FRYL: variants seen among roughly 807,000 people sequenced by gnomAD.
The protein encoded by FRYL is FRY like transcription coactivator, also known as protein furry homolog-like.
FRYL carries 150 observed loss-of-function variants against 351.2 expected under a neutral mutation model. The ratio of observed to expected loss-of-function variants is 0.43; its 90% CI spans 0.37 to 0.49. The LOEUF (loss-of-function observed/expected upper bound fraction) is 0.49. FRYL is among the 20% of genes least tolerant of loss of function. The pLI is 0.00. For missense variants in FRYL, 3,036 were observed against 3,619.3 expected, an observed-to-expected ratio of 0.84 and a Z score of 4.13; for synonymous variants, 1,153 against 1,257.1, an observed-to-expected ratio of 0.92 and a Z score of 1.75.
chr4:48,747,194 G>T (rs1279369146), intron 1 of FRYL, among the ~76,000 whole-genome samples: 1 of 149,842 alleles, frequency 6.7e-6, no homozygotes, highest in Non-Finnish European at 1.5e-5. Context: ...AGGAAGAGAA[G>T]TAACAACATT....
At chr4:48,768,127 T>A (rs945752912) in intron 1 of FRYL, among the ~76,000 whole-genome samples, 1 of 152,232 alleles carries the variant, frequency 6.6e-6, no homozygotes, top group African/African-American at 2.4e-5. Flanking sequence ...AAGGTGGCAG[T>A]TGCACACCCT....
chr4:48,674,640 G>A (rs191137134), intron 3 of FRYL, among the ~76,000 whole-genome samples: 64 of 144,204 alleles, frequency 4.4e-4, no homozygotes, highest in African/African-American at 1.5e-3. Context: ...GGGAGGCTGA[G>A]GCAGGAGAAT....
At chr4:48,622,760 G>A (rs1471617702) in intron 5 of FRYL, among the ~76,000 whole-genome samples, 1 of 152,088 alleles carries the variant, frequency 6.6e-6, no homozygotes, top group Non-Finnish European at 1.5e-5. Flanking sequence ...GTTAGACACC[G>A]GCATTCTACA....
chr4:48,556,919 C>T (rs1482042456), intron 35 of FRYL, 59 bp downstream of exon 35: 5 of 1,404,208 alleles, frequency 3.6e-6, no homozygotes, highest in Non-Finnish European at 4.8e-6. Flanking sequence ...ACTCTGACAT[C>T]ACAAGATACT....
chr4:48,723,760 T>C (rs1769753319), intron 1 of FRYL, among the ~76,000 whole-genome samples: 1 of 151,904 alleles, frequency 6.6e-6, no homozygotes. Flanking sequence ...TCTCCTCATT[T>C]CTCATTTCTC....
intron 3 of FRYL, among the ~76,000 whole-genome samples, chr4:48,641,062 T>C (rs1357279786): frequency 6.6e-6 from 1 of 152,154 alleles, no homozygotes. Context: ...TGGGGAATAA[T>C]AGCAAATAGC....
chr4:48,666,263 A>T (rs1468922822), intron 3 of FRYL, among the ~76,000 whole-genome samples: 1 of 152,196 alleles, frequency 6.6e-6, no homozygotes, highest in Non-Finnish European at 1.5e-5. Flanking sequence ...GCTACTCGGG[A>T]GGCCGAGGCA....
At chr4:48,680,380 T>C (rs1177960953) in intron 3 of FRYL, among the ~76,000 whole-genome samples, 2 of 152,024 alleles carry the variant, frequency 1.3e-5, no homozygotes, top group African/African-American at 2.4e-5. Flanking sequence ...TGCAAGCTGA[T>C]GTTTATCCTA....
At chr4:48,618,030 T>C (rs1207848185) in intron 7 of FRYL, 2 of 152,228 alleles carry the variant, frequency 1.3e-5, no homozygotes, top group South Asian at 2.1e-4. Flanking sequence ...TCAGAGTCCA[T>C]TGCTGGGCTG....
intron 1 of FRYL, among the ~76,000 whole-genome samples, chr4:48,717,040 C>CAT (rs1768926429): frequency 1.4e-5 from 2 of 145,474 alleles, no homozygotes; most frequent in Admixed American, 1.5e-4. Flanking sequence ...CCAAACACCA[C>CAT]ATATTCTCAC....
At chr4:48,653,997 TG>T (rs1758267365) in intron 3 of FRYL, 1 of 1,022,718 alleles carries the variant, frequency 9.8e-7, no homozygotes, top group African/African-American at 1.7e-5. Flanking sequence ...TGAATGCAGA[TG>T]AACTATCCAG....
At chr4:48,680,540 C>G (rs1254196435) in intron 3 of FRYL, among the ~76,000 whole-genome samples, 2 of 151,844 alleles carry the variant, frequency 1.3e-5, no homozygotes, top group African/African-American at 4.8e-5. Flanking sequence ...TATTCATTAT[C>G]TTTTAAAATA....
At chr4:48,523,353 T>C in intron 53 of FRYL, 2 of 406,528 alleles carry the variant, frequency 4.9e-6, no homozygotes, top group Non-Finnish European at 8.9e-6. Flanking sequence ...CTATCTTGTA[T>C]TACTGGGGAC....
At chr4:48,516,855 G>A (rs1320330061) in intron 55 of FRYL, among the ~76,000 whole-genome samples, 1 of 152,142 alleles carries the variant, frequency 6.6e-6, no homozygotes, top group Non-Finnish European at 1.5e-5. Flanking sequence ...TCAATGATGG[G>A]AAAGCTCTCA....
intron 7 of FRYL, among the ~76,000 whole-genome samples, chr4:48,615,371 C>A (rs1381262631): frequency 6.6e-6 from 1 of 152,172 alleles, no homozygotes; most frequent in Non-Finnish European, 1.5e-5. Flanking sequence ...AAGATATCAC[C>A]ACCTTCTGAT....
chr4:48,752,087 G>A (rs1773305956), intron 1 of FRYL, among the ~76,000 whole-genome samples: 1 of 152,108 alleles, frequency 6.6e-6, no homozygotes, highest in South Asian at 2.1e-4. Flanking sequence ...ACGTTATTGG[G>A]CAAATAGTGA....
At chr4:48,584,589 A>G (rs1217729442) in intron 19 of FRYL, among the ~76,000 whole-genome samples, 2 of 152,202 alleles carry the variant, frequency 1.3e-5, no homozygotes, top group Non-Finnish European at 2.9e-5. Context: ...GTCCTCAATG[A>G]TGTTGACTTT....
At chr4:48,564,549 TGGAGGGCAA>T (rs1441988730) in intron 30 of FRYL, among the ~76,000 whole-genome samples, 1 of 152,164 alleles carries the variant, frequency 6.6e-6, no homozygotes, top group Admixed American at 6.5e-5. Context: ...AGGCAGAGTG[TGGAGGGCAA>T]GGAGGAATGA....
At chr4:48,661,939 A>G (rs1278490910) in intron 3 of FRYL, among the ~76,000 whole-genome samples, 1 of 152,222 alleles carries the variant, frequency 6.6e-6, no homozygotes, top group Non-Finnish European at 1.5e-5. Context: ...TAAATTCACT[A>G]TGTAGAACTA....
Sources: gnomAD v4.1 joint callset for allele counts (sites outside exome capture counted in the v4.1 genomes callset) on GRCh38, gnomAD v4.1.1 for gene constraint, MANE v1.5 for transcripts, NCBI Gene and HGNC (gene_info 2026-07-23, HGNC 2026-07-21) for gene names.